The following RIMS2 variants were observed in gnomAD, a reference collection of about 807,000 sequenced individuals.
RIMS2 encodes regulating synaptic membrane exocytosis protein 2.
In RIMS2, 59 loss-of-function variants were observed where a neutral mutation model predicts 174.4. The observed-to-expected ratio is 0.34, with a 90% CI of 0.27 to 0.42. The LOEUF (loss-of-function observed/expected upper bound fraction) is 0.42. Among genes scored for constraint, RIMS2 ranks in the 10% least tolerant of loss-of-function variants. The pLI is 1.00. For synonymous variants in RIMS2, 606 were observed against 572.5 expected, an observed-to-expected ratio of 1.06 and a Z score of -0.84; for missense variants, 1,620 against 1,666.3, an observed-to-expected ratio of 0.97 and a Z score of 0.48.
At chr8:104,035,870 G>GT (rs1418429021) in intron 19 of RIMS2, among the ~76,000 whole-genome samples, 1 of 151,922 alleles carries the variant, frequency 6.6e-6, no homozygotes, top group African/African-American at 2.4e-5. Flanking sequence ...AAAAATTTAT[G>GT]TAAGACAAAC....
chr8:103,884,109 T>C (rs757456266), intron 3 of RIMS2, among the ~76,000 whole-genome samples: 2 of 151,812 alleles, frequency 1.3e-5, no homozygotes, highest in Non-Finnish European at 1.5e-5. Flanking sequence ...CAGACTGTGT[T>C]CCAAATATGA....
intron 19 of RIMS2, among the ~76,000 whole-genome samples, chr8:104,221,542 T>A (rs1038375879): frequency 6.6e-6 from 1 of 152,142 alleles, no homozygotes; most frequent in African/African-American, 2.4e-5. Context: ...CATAGAGTTG[T>A]CTGGTTTTAT....
intron 19 of RIMS2, among the ~76,000 whole-genome samples, chr8:104,228,103 A>G (rs2099200592): frequency 7.0e-6 from 1 of 143,578 alleles, no homozygotes; most frequent in Non-Finnish European, 1.5e-5. Context: ...ATCTCGGCTC[A>G]CTGCAAGCTC....
intron 19 of RIMS2, among the ~76,000 whole-genome samples, chr8:104,106,820 C>T (rs1412397208): frequency 1.3e-5 from 2 of 152,056 alleles, no homozygotes; most frequent in African/African-American, 4.8e-5. Flanking sequence ...ATGTTTATCC[C>T]TCATGATAAG....
chr8:103,700,388 T>C (rs541469074), intron 2 of RIMS2, among the ~76,000 whole-genome samples: 2 of 152,126 alleles, frequency 1.3e-5, no homozygotes, highest in Non-Finnish European at 2.9e-5. Flanking sequence ...ATAGACCAAG[T>C]ACTCTCTCTT....
At chr8:103,923,639 C>A (rs2078154557) in intron 10 of RIMS2, among the ~76,000 whole-genome samples, 1 of 151,672 alleles carries the variant, frequency 6.6e-6, no homozygotes, top group African/African-American at 2.4e-5. Flanking sequence ...GTACTATTTT[C>A]TCCTTTTCTT....
intron 19 of RIMS2, among the ~76,000 whole-genome samples, chr8:104,118,921 G>A (rs1363391569): frequency 6.6e-6 from 1 of 152,068 alleles, no homozygotes; most frequent in Non-Finnish European, 1.5e-5. Flanking sequence ...ATCCCATCAT[G>A]AGGGCTCCAC....
intron 2 of RIMS2, among the ~76,000 whole-genome samples, chr8:103,720,317 T>A (rs2097429615): frequency 6.6e-6 from 1 of 152,198 alleles, no homozygotes; most frequent in South Asian, 2.1e-4. Context: ...AGCATGTACT[T>A]ATGCTAAATT....
At chr8:103,778,803 T>A (rs1331594951) in intron 3 of RIMS2, among the ~76,000 whole-genome samples, 1 of 152,122 alleles carries the variant, frequency 6.6e-6, no homozygotes, top group Non-Finnish European at 1.5e-5. Context: ...ATAGTTCTAT[T>A]TTTAGTTTTT....
intron 19 of RIMS2, among the ~76,000 whole-genome samples, chr8:104,090,787 T>G (rs1001565749): frequency 6.6e-6 from 1 of 151,854 alleles, no homozygotes; most frequent in African/African-American, 2.4e-5. Flanking sequence ...ATTTTAATTT[T>G]GTTTTATAAA....
At chr8:103,683,020 T>A (rs1325542461) in intron 1 of RIMS2, among the ~76,000 whole-genome samples, 1 of 152,222 alleles carries the variant, frequency 6.6e-6, no homozygotes, top group Non-Finnish European at 1.5e-5. Context: ...AAATGCGGCT[T>A]CCACTTCCCT....
rs764249360 is a variant in RIMS2, at chr8:104,148,597, C to T, written c.3335-96319C>T. On this transcript the variant is annotated intron_variant, in intron 19 of 23. Transcript: ENST00000504942. ...CTTGTCCTCACTTTTAATGATCCAT[C>T]GGCTGACAGTGTCTTTACATCCAAA... The T allele has an allele frequency of 8.8e-6, 14 of 1,594,332 alleles. No homozygotes were observed. Among genetic ancestry groups the T allele is most frequent in the South Asian group, 6.6e-5 (6 of 90,554 alleles).
intron 2 of RIMS2, among the ~76,000 whole-genome samples, chr8:103,701,902 AG>A (rs1457711610): frequency 1.3e-5 from 2 of 152,120 alleles, no homozygotes; most frequent in African/African-American, 4.8e-5. Flanking sequence ...AGAGTAATAC[AG>A]GTATCTCTTC....
chr8:104,152,399 C>T (rs375824574), intron 19 of RIMS2, among the ~76,000 whole-genome samples: 5 of 151,964 alleles, frequency 3.3e-5, no homozygotes, highest in African/African-American at 4.8e-5. Context: ...ATTTTAAAGC[C>T]CAAGTTTAAC....
At chr8:103,758,473 A>T (rs1564532490) in intron 2 of RIMS2, among the ~76,000 whole-genome samples, 1 of 152,190 alleles carries the variant, frequency 6.6e-6, no homozygotes, top group Non-Finnish European at 1.5e-5. Context: ...CTGTAGGTTG[A>T]GAAGATTTCC....
intron 19 of RIMS2, among the ~76,000 whole-genome samples, chr8:104,025,379 T>C (rs568139068): frequency 3.9e-5 from 6 of 152,154 alleles, no homozygotes; most frequent in Admixed American, 3.3e-4. Flanking sequence ...TCCCAGCTAC[T>C]TGGGAGCTTG....
At chr8:103,950,456 T>G (rs2085085028) in intron 14 of RIMS2, among the ~76,000 whole-genome samples, 1 of 152,192 alleles carries the variant, frequency 6.6e-6, no homozygotes, top group Non-Finnish European at 1.5e-5. Flanking sequence ...AAATGTTTTT[T>G]ATACCACGGA....
rs540106689 is a variant in RIMS2 at position 103,517,145 on chromosome 8, GAT to G, written c.176+16085_176+16086del. ...ATGTAAATAAATAATCCAAATGCATGATAAGTGCCTTAAAGTAGTTATATACC... is the reference window on the plus strand; with the variant it reads ...ATGTAAATAAATAATCCAAATGCATGAAGTGCCTTAAAGTAGTTATATACC... On this transcript the variant is annotated intron_variant, in intron 1 of 23. Coordinates refer to ENST00000504942, the Ensembl canonical transcript of RIMS2. Among the ~76,000 whole-genome samples the G allele has an allele frequency of 6.6e-5, 10 of 152,306 alleles. No individual in the cohort carries two copies. In the East Asian group the frequency reaches 1.7e-3, roughly 26 times the overall value.
chr8:104,029,389 C>A (rs965055886), intron 19 of RIMS2, among the ~76,000 whole-genome samples: 2 of 152,146 alleles, frequency 1.3e-5, no homozygotes, highest in African/African-American at 4.8e-5. Flanking sequence ...ATTCTTCTGA[C>A]AAAACTTGCC....
Sources: allele counts gnomAD v4.1 joint callset (sites outside exome capture counted in the v4.1 genomes callset), GRCh38; gene constraint gnomAD v4.1.1; transcripts MANE v1.5; gene names NCBI Gene and HGNC (gene_info 2026-07-23, HGNC 2026-07-21).